MTOR: variants seen among roughly 807,000 people sequenced by gnomAD.
MTOR encodes the protein mechanistic target of rapamycin kinase.
MTOR carries 70 observed loss-of-function variants against 319.8 expected under a neutral mutation model. The observed-to-expected ratio is 0.22, with a 90% CI of 0.18 to 0.27. The LOEUF is 0.27. Ranked by LOEUF, MTOR falls within the 10% of genes least tolerant of loss-of-function variation. The pLI is 1.00. For synonymous variants in MTOR, 1,183 were observed against 1,211.4 expected, an observed-to-expected ratio of 0.98 and a Z score of 0.49; for missense variants, 1,890 against 3,274.4, an observed-to-expected ratio of 0.58 and a Z score of 10.32.
intron 56 of MTOR, among the ~76,000 whole-genome samples, 155 bp from the exon 57 acceptor site, chr1:11,108,441 C>T (rs1007378381): frequency 1.3e-5 from 2 of 152,194 alleles, no homozygotes; most frequent in African/African-American, 2.4e-5. Context: ...TGGCCAGGTG[C>T]GGTGGCTCAC....
rs771191250 is a variant in MTOR at position 11,122,096 on chromosome 1, C to T, written c.6693G>A (p.Ser2231=). The part of the protein sequence containing the change: ...SIQRYAVIPL[S]TNSGLIGWVP... Reference sequence around the variant, plus strand: ...CCCAGCCAATGAGGCCCGAGTTGGTCGATAAAGGGATGACAGCGTATCTCT... The same window carrying T: ...CCCAGCCAATGAGGCCCGAGTTGGTTGATAAAGGGATGACAGCGTATCTCT... Residue 2231 remains serine, a synonymous_variant, in exon 48 of 58, where the codon TCG becomes TCA. Transcript: ENST00000361445. 1.2e-5 allele frequency: 20 copies of T among 1,613,954 alleles called. No homozygotes were observed. Among genetic ancestry groups the T allele is most frequent in the South Asian group, 8.8e-5 (8 of 91,078 alleles).
At chr1:11,149,704 C>T (rs41274516) in intron 31 of MTOR, among the ~76,000 whole-genome samples, 14,720 of 151,984 alleles carry the variant, frequency 0.097, 1,208 homozygotes, top group African/African-American at 0.2. Flanking sequence ...TATTTTGGGA[C>T]GAGCCCTTAA....
intron 19 of MTOR, among the ~76,000 whole-genome samples, chr1:11,217,694 A>G (rs1646517929): frequency 6.6e-6 from 1 of 151,198 alleles, no homozygotes; most frequent in South Asian, 2.1e-4. Flanking sequence ...TACAGTCGTG[A>G]GCCACCACGC....
chr1:11,240,815 G>A (rs557601282), intron 10 of MTOR, among the ~76,000 whole-genome samples: 1 of 152,278 alleles, frequency 6.6e-6, no homozygotes, highest in Admixed American at 6.5e-5. Context: ...AACACTCTGG[G>A]AAGCAGATTA....
At position 11,146,556 on chromosome 1, in the gene MTOR, TCA is replaced by T. The variant is rs756345050; in HGVS notation, c.4686+118_4686+119del. ...ATGAATCAAAACCATTCAAATGTAC[TCA>T]CAGAGCCGAGTAAACATCAGACCTG... On this transcript the variant is annotated intron_variant, in intron 32 of 57. Transcript: ENST00000361445. The T allele has an allele frequency of 1.0e-3, 744 of 732,922 alleles. 6 individuals carry two copies. Among genetic ancestry groups the T allele is most frequent in the Middle Eastern group, 9.9e-4 (4 of 4,058 alleles). 45.4% of individuals were successfully genotyped at this position (732,922 alleles called of 1,614,324 possible). A position where few individuals can be genotyped will look rare whatever the true frequency, so the allele number is the denominator to read the frequency against.
intron 11 of MTOR, 114 bp from the exon 12 acceptor site, chr1:11,238,731 G>GAC: frequency 1.2e-6 from 1 of 834,532 alleles, no homozygotes; most frequent in Non-Finnish European, 1.9e-6. Flanking sequence ...CTTTCAACTA[G>GAC]ATATTGATCA....
intron 5 of MTOR, 146 bp downstream of exon 5, chr1:11,255,846 C>CAACA: frequency 1.9e-6 from 1 of 532,696 alleles, no homozygotes; most frequent in Non-Finnish European, 2.9e-6. Flanking sequence ...GACTCCATCA[C>CAACA]AAAAAAAAAA....
intron 28 of MTOR, among the ~76,000 whole-genome samples, chr1:11,173,902 C>T (rs966478092): frequency 3.3e-5 from 5 of 152,064 alleles, no homozygotes; most frequent in South Asian, 2.1e-4. Context: ...CACTCCATCA[C>T]GGGAGGCAAC....
In MTOR at chr1:11,249,941, C is replaced by A. The variant is rs542413331; in HGVS notation, c.841-1847G>T. Reference sequence around the variant, plus strand: ...TCTCAATGAGCCACTGGGCACACCTCCCAGACGGGGTGGTGGCCGGGCAGA... The same window carrying A: ...TCTCAATGAGCCACTGGGCACACCTACCAGACGGGGTGGTGGCCGGGCAGA... On this transcript the variant is annotated intron_variant, in intron 6 of 57. Coordinates refer to ENST00000361445, the MANE Select transcript of MTOR (RefSeq NM_004958.4). Among the ~76,000 whole-genome samples the A allele has an allele frequency of 5.3e-5, 8 of 151,196 alleles. No homozygotes were observed. The East Asian group carries it at 1.4e-3, about 26-fold the overall frequency.
intron 28 of MTOR, among the ~76,000 whole-genome samples, chr1:11,177,892 C>A (rs1463108399): frequency 1.3e-5 from 2 of 152,078 alleles, no homozygotes; most frequent in Non-Finnish European, 2.9e-5. Flanking sequence ...ATATAATCAC[C>A]TTTCCAAGAT....
chr1:11,123,332 C>G (rs1642641364), intron 47 of MTOR, among the ~76,000 whole-genome samples: 1 of 151,898 alleles, frequency 6.6e-6, no homozygotes, highest in Non-Finnish European at 1.5e-5. Context: ...TCACAGCTCA[C>G]TGTAGCCTCG....
intron 46 of MTOR, among the ~76,000 whole-genome samples, chr1:11,126,069 G>A (rs187466750): frequency 1.2e-3 from 156 of 130,124 alleles, no homozygotes; most frequent in African/African-American, 3.0e-3. Context: ...AAAAAAAAGC[G>A]AGAGGCCTCA....
At position 11,257,889 on chromosome 1, in the gene MTOR, C is replaced by T. The variant is rs558997567; in HGVS notation, c.271+596G>A. On this transcript the variant is annotated intron_variant, in intron 3 of 57. Coordinates refer to ENST00000361445, the MANE Select transcript of MTOR (RefSeq NM_004958.4). ...CTCTGGGAGGCTGAGGTGGGCAGATCACTTGAGGTCAGGAGTTCGAGACCA... is the reference window on the plus strand; with the variant it reads ...CTCTGGGAGGCTGAGGTGGGCAGATTACTTGAGGTCAGGAGTTCGAGACCA... 9.8e-4 allele frequency among the ~76,000 whole-genome samples: 149 copies of T among 152,152 alleles called. 1 individual carries two copies. Among genetic ancestry groups the T allele is most frequent in the South Asian group, 5.2e-3 (25 of 4,822 alleles).
chr1:11,189,488 G>A (rs758522612), intron 28 of MTOR: 18 of 1,437,846 alleles, frequency 1.3e-5, no homozygotes, highest in Non-Finnish European at 1.7e-5. Context: ...AAAGCGTAAG[G>A]TTCAGTCAGC....
At chr1:11,189,922 C>T (rs767420253) in intron 28 of MTOR, 36 of 1,613,166 alleles carry the variant, frequency 2.2e-5, no homozygotes, top group East Asian at 1.6e-4. Context: ...CATGCAGCTG[C>T]AGGCAGCACA....
At chr1:11,246,502 T>C (rs181496192) in intron 8 of MTOR, among the ~76,000 whole-genome samples, 1 of 152,324 alleles carries the variant, frequency 6.6e-6, no homozygotes, top group Admixed American at 6.5e-5. Context: ...TCTGGTTCAG[T>C]GGTTTTATGT....
chr1:11,205,272 G>C (rs1180323445), intron 25 of MTOR, among the ~76,000 whole-genome samples: 3 of 152,074 alleles, frequency 2.0e-5, no homozygotes, highest in East Asian at 1.9e-4. Flanking sequence ...TTACTACCAG[G>C]GGCAGCTTAT....
At position 11,114,724 on chromosome 1, in the gene MTOR, G is replaced by A. The variant is rs1245708343; in HGVS notation, c.7164+89C>T. 4 of 1,338,254 alleles carry A rather than the reference G, an allele frequency of 3.0e-6. No individual in the cohort carries two copies. The Admixed American group carries it at 5.8e-5, about 19-fold the overall frequency. The allele number at this position is 1,338,254 out of a possible 1,614,324, so 82.9% of individuals were successfully genotyped here. A position where few individuals can be genotyped will look rare whatever the true frequency, so the allele number is the denominator to read the frequency against. ...ACAAAAATCACAAAGGCACTTTGGA[G>A]AACTGATGGGCTCTAACAAGCGTGT... On this transcript the variant is annotated intron_variant, in intron 52 of 57. Transcript: ENST00000361445.
In MTOR at chr1:11,242,969, A is replaced by T. The variant is rs1260960412; in HGVS notation, c.1412+145T>A. 5 of 759,024 alleles carry T rather than the reference A, an allele frequency of 6.6e-6. No individual in the cohort carries two copies. In the East Asian group the frequency reaches 1.4e-4, roughly 21 times the overall value. 47.0% of individuals were successfully genotyped at this position (759,024 alleles called of 1,614,324 possible). A position where few individuals can be genotyped will look rare whatever the true frequency, so the allele number is the denominator to read the frequency against. On this transcript the variant is annotated intron_variant, in intron 9 of 57. Transcript: ENST00000361445. ...TTTGGAAAAGCTTAGAATTCAACTA[A>T]GGAAGGGCTGTTCTTCATATGATTT...
Sources: gnomAD v4.1 joint callset for allele counts (sites outside exome capture counted in the v4.1 genomes callset) on GRCh38, gnomAD v4.1.1 for gene constraint, MANE v1.5 for transcripts, NCBI Gene and HGNC (gene_info 2026-07-23, HGNC 2026-07-21) for gene names.